The following RBFOX1 variants were observed in gnomAD, a reference collection of about 807,000 sequenced individuals.
RBFOX1 encodes RNA binding fox-1 homolog 1, also known as RNA binding protein fox-1 homolog 1.
A neutral mutation model predicts 57.7 loss-of-function variants in RBFOX1; 8 were observed. The ratio of observed to expected loss-of-function variants is 0.14; its 90% confidence interval spans 0.08 to 0.25. RBFOX1 has a LOEUF of 0.25. Among genes scored for constraint, RBFOX1 ranks in the 10% least tolerant of loss-of-function variants. The probability of loss-of-function intolerance (pLI) is 1.00; values close to 1 mark genes in which losing one functional copy is unlikely to be tolerated. For synonymous variants in RBFOX1, 326 were observed against 222.4 expected, an observed-to-expected ratio of 1.47 and a Z score of -4.15; for missense variants, 611 against 548.5, an observed-to-expected ratio of 1.11 and a Z score of -1.14.
chr16:7,704,351 T>G (rs1483976207), intron 14 of RBFOX1, among the ~76,000 whole-genome samples: 1 of 152,222 alleles, frequency 6.6e-6, no homozygotes, highest in Non-Finnish European at 1.5e-5. Context: ...TATGGCAACT[T>G]GGCCAGTGTT....
chr16:5,866,111 G>A (rs2057338275), intron 3 of RBFOX1, among the ~76,000 whole-genome samples: 1 of 152,140 alleles, frequency 6.6e-6, no homozygotes, highest in South Asian at 2.1e-4. Flanking sequence ...GCGATTACAG[G>A]TGCACACCAC....
intron 11 of RBFOX1, among the ~76,000 whole-genome samples, chr16:7,651,224 A>G (rs931157529): frequency 6.6e-6 from 1 of 152,208 alleles, no homozygotes; most frequent in African/African-American, 2.4e-5. Flanking sequence ...TTAAGAACAC[A>G]CAGAATTCCA....
chr16:7,665,541 C>T (rs1274484116), intron 13 of RBFOX1, among the ~76,000 whole-genome samples: 1 of 152,100 alleles, frequency 6.6e-6, no homozygotes, highest in African/African-American at 2.4e-5. Context: ...CCCCCAATTA[C>T]CTGACTTAAA....
At chr16:6,938,713 C>T (rs2077793774) in intron 3 of RBFOX1, among the ~76,000 whole-genome samples, 1 of 152,128 alleles carries the variant, frequency 6.6e-6, no homozygotes, top group Non-Finnish European at 1.5e-5. Flanking sequence ...TCTCGAATCA[C>T]TTGAGATCAG....
chr16:6,751,179 A>G (rs767694904), intron 3 of RBFOX1, among the ~76,000 whole-genome samples: 36 of 152,262 alleles, frequency 2.4e-4, no homozygotes, highest in East Asian at 1.2e-3. Context: ...TCGAAATACA[A>G]TGGGAAACAA....
chr16:7,212,344 C>T (rs1016002550), intron 4 of RBFOX1, among the ~76,000 whole-genome samples: 5 of 152,146 alleles, frequency 3.3e-5, no homozygotes, highest in Admixed American at 1.3e-4. Flanking sequence ...GGAAAGTATT[C>T]GCTTGCCTGT....
intron 2 of RBFOX1, among the ~76,000 whole-genome samples, chr16:5,477,025 AT>A (rs1273662124): frequency 6.6e-6 from 1 of 152,158 alleles, no homozygotes; most frequent in East Asian, 1.9e-4. Context: ...TTATTTATTT[AT>A]TTTTTTGAGA....
intron 4 of RBFOX1, among the ~76,000 whole-genome samples, chr16:7,445,240 C>T (rs1427429656): frequency 6.6e-6 from 1 of 152,000 alleles, no homozygotes; most frequent in African/African-American, 2.4e-5. Flanking sequence ...GTAAAATGAA[C>T]AGTGGAAAGA....
intron 4 of RBFOX1, among the ~76,000 whole-genome samples, chr16:7,222,277 T>A (rs935592930): frequency 1.3e-5 from 2 of 152,192 alleles, no homozygotes; most frequent in Admixed American, 1.3e-4. Flanking sequence ...CTCAGAAGCG[T>A]AAGATATAAT....
rs1366564213 is a variant in RBFOX1 at position 6,741,406 on chromosome 16, T to A, written c.-16+86756T>A. On this transcript the variant is annotated intron_variant, in intron 3 of 15. Coordinates refer to ENST00000550418, the MANE Select transcript of RBFOX1 (RefSeq NM_018723.4). Reference sequence around the variant, plus strand: ...GGCTGGACGGGGTGGCTCATGCCTGTAATACCAGCACTTTGGGAGGCTGAT... The same window carrying A: ...GGCTGGACGGGGTGGCTCATGCCTGAAATACCAGCACTTTGGGAGGCTGAT... Among the ~76,000 whole-genome samples the A allele has an allele frequency of 2.0e-5, 3 of 152,106 alleles. No homozygotes were observed. The East Asian group carries it at 5.8e-4, about 29-fold the overall frequency.
intron 4 of RBFOX1, among the ~76,000 whole-genome samples, chr16:7,303,997 C>T (rs1055817425): frequency 1.3e-5 from 2 of 151,856 alleles, no homozygotes; most frequent in African/African-American, 4.8e-5. Context: ...CTTCCACTTT[C>T]CGGGGGATCA....
chr16:6,859,111 G>GTATATATATA (rs796794349), intron 3 of RBFOX1, among the ~76,000 whole-genome samples: 8 of 65,118 alleles, frequency 1.2e-4, no homozygotes, highest in East Asian at 5.4e-4. Flanking sequence ...TAAAAAAAGT[G>GTATATATATA]TATATATATA....
intron 2 of RBFOX1, among the ~76,000 whole-genome samples, chr16:5,496,333 T>A (rs577078938): frequency 1.3e-5 from 2 of 152,280 alleles, no homozygotes; most frequent in Non-Finnish European, 2.9e-5. Context: ...AAGGTCCCAC[T>A]GGCATTTGGG....
chr16:5,956,868 G>T (rs895911402), intron 4 of RBFOX1, among the ~76,000 whole-genome samples: 2 of 147,340 alleles, frequency 1.4e-5, no homozygotes, highest in African/African-American at 2.5e-5. Flanking sequence ...ATGGGGTTTC[G>T]CCATTTTGGC....
Position 5,777,801 on chromosome 16 carries a change from C to T in RBFOX1, c.319-89502C>T, listed in dbSNP as rs184527212. Among the ~76,000 whole-genome samples, 5 of 152,286 alleles carry T rather than the reference C, an allele frequency of 3.3e-5. No individual in the cohort carries two copies. The East Asian group carries it at 9.6e-4, about 29-fold the overall frequency. On this transcript the variant is annotated intron_variant, in intron 3 of 19. Transcript: ENST00000641259. ...TTATTTGGCACAGGAGTAATACCCT[C>T]ACTCTCCTACTTAGCTCCTTTAAAA...
chr16:5,320,398 G>T (rs555588685), intron 1 of RBFOX1, among the ~76,000 whole-genome samples: 1 of 152,348 alleles, frequency 6.6e-6, no homozygotes, highest in East Asian at 1.9e-4. Context: ...ATTGTGATGA[G>T]TGAGTTTAGC....
intron 3 of RBFOX1, among the ~76,000 whole-genome samples, chr16:6,719,431 C>T (rs1188969867): frequency 6.8e-6 from 1 of 147,520 alleles, no homozygotes; most frequent in Non-Finnish European, 1.5e-5. Flanking sequence ...GTTTCCTCAT[C>T]TTCAAAATAA....
At chr16:6,887,312 G>A (rs1414412768) in intron 3 of RBFOX1, among the ~76,000 whole-genome samples, 1 of 152,180 alleles carries the variant, frequency 6.6e-6, no homozygotes, top group African/African-American at 2.4e-5. Context: ...AAAGGGCTTT[G>A]ATGGTGGGAC....
chr16:6,464,498 T>C (rs982519930), intron 2 of RBFOX1, among the ~76,000 whole-genome samples: 4 of 152,224 alleles, frequency 2.6e-5, no homozygotes, highest in Non-Finnish European at 5.9e-5. Flanking sequence ...CCTGATCTAA[T>C]GCATACTAGT....
Sources: allele counts gnomAD v4.1 joint callset (sites outside exome capture counted in the v4.1 genomes callset), GRCh38; gene constraint gnomAD v4.1.1; transcripts MANE v1.5; gene names NCBI Gene and HGNC (gene_info 2026-07-23, HGNC 2026-07-21).